SLC2A9: variants seen among roughly 807,000 people sequenced by gnomAD.
SLC2A9 encodes the protein solute carrier family 2, facilitated glucose transporter member 9.
In SLC2A9, 39 loss-of-function variants were observed where a neutral mutation model predicts 50.6. The observed-to-expected ratio is 0.77, with a 90% CI of 0.60 to 1.01. The LOEUF (loss-of-function observed/expected upper bound fraction) is 1.01. Among genes scored for constraint, SLC2A9 ranks in the 50% least tolerant of loss-of-function variants. SLC2A9 has a pLI of 0.00. For missense variants in SLC2A9, 686 were observed against 677.6 expected (o/e 1.01, Z -0.14); for synonymous variants, 324 against 276.9 (o/e 1.17, Z -1.69).
chr4:9,890,709 A>C lies in SLC2A9; in HGVS notation c.1116T>G (p.Gly372=), dbSNP rs2109784178. ...TCCGTCCCAGGTGCTCAATGACCAA[A>C]CCCTAGTCCAGGGTAAAAGAGAGAG... ...GIETLAAVFS[G]LVIEHLGRRP... is the part of the protein sequence containing the mutation. Residue 372 remains glycine (G), a splice_region_variant and synonymous_variant, in exon 9 of 12, where the codon GGT becomes GGG. Transcript: ENST00000264784. 6.2e-7 allele frequency: 1 copy of C among 1,613,560 alleles called. No individual in the cohort carries two copies. The highest frequency in any genetic ancestry group is 1.3e-5 in the African/African-American group (1 of 74,994).
intron 2 of SLC2A9, among the ~76,000 whole-genome samples, chr4:9,997,717 G>A (rs1249621297): frequency 1.4e-5 from 2 of 142,500 alleles, no homozygotes; most frequent in African/African-American, 5.5e-5. Flanking sequence ...AAGTGGGGGG[G>A]CACATACCTA....
intron 11 of SLC2A9, among the ~76,000 whole-genome samples, chr4:9,827,821 C>G (rs543848669): frequency 6.6e-6 from 1 of 152,294 alleles, no homozygotes; most frequent in Non-Finnish European, 1.5e-5. Context: ...AGAGTATGGG[C>G]TCTGAAGCCA....
intron 7 of SLC2A9, among the ~76,000 whole-genome samples, chr4:9,919,316 A>G (rs1743475351): frequency 6.6e-6 from 1 of 152,222 alleles, no homozygotes; most frequent in Non-Finnish European, 1.5e-5. Flanking sequence ...CCAAGGAGAA[A>G]GGTAAAAGCA....
chr4:9,886,698 A>G (rs1396866014), intron 10 of SLC2A9, among the ~76,000 whole-genome samples: 2 of 152,134 alleles, frequency 1.3e-5, no homozygotes, highest in Non-Finnish European at 2.9e-5. Flanking sequence ...GTTTGCATCC[A>G]CCAAGAAACA....
At chr4:9,788,432 C>T (rs150340467) in intron 3 of SLC2A9, among the ~76,000 whole-genome samples, 83 of 150,818 alleles carry the variant, frequency 5.5e-4, no homozygotes, top group African/African-American at 1.9e-3. Context: ...CTCAAACAGA[C>T]CTCCTGCCTC....
intron 10 of SLC2A9, chr4:9,879,519 T>C (rs996487981): frequency 4.1e-6 from 4 of 985,124 alleles, no homozygotes; most frequent in Admixed American, 1.2e-4. Context: ...ATAGGTTCTG[T>C]CAAATGCTGA....
At position 9,853,693 on chromosome 4, in the gene SLC2A9, T is replaced by C. The variant is rs139240136; in HGVS notation, c.1292-18685A>G. Among the ~76,000 whole-genome samples the C allele has an allele frequency of 1.2e-3, 185 of 152,258 alleles. 1 individual carries two copies. The highest frequency in any genetic ancestry group is 4.2e-3 in the African/African-American group (175 of 41,560). On this transcript the variant is annotated intron_variant, in intron 10 of 11. Coordinates refer to ENST00000264784, the MANE Select transcript of SLC2A9 (RefSeq NM_020041.3). ...AATTCTCTACCCAAAAACAACAGAA[T>C]AGACATTCTTCTCATTTGCACATAC...
intron 10 of SLC2A9, among the ~76,000 whole-genome samples, chr4:9,854,212 A>G (rs1325395818): frequency 6.6e-6 from 1 of 152,198 alleles, no homozygotes; most frequent in African/African-American, 2.4e-5. Flanking sequence ...TGATTTTTTT[A>G]AAGAATAAAT....
chr4:9,996,857 C>G lies in SLC2A9; in HGVS notation c.334G>C (p.Val112Leu). 1.9e-6 allele frequency: 3 copies of G among 1,614,242 alleles called. No homozygotes were observed. The highest frequency in any genetic ancestry group is 1.7e-6 in the Non-Finnish European group (2 of 1,180,028). Residue 112 changes from valine to leucine, a missense_variant, in exon 3 of 12, where the codon GTG becomes CTG. Coordinates refer to ENST00000264784, the MANE Select transcript of SLC2A9 (RefSeq NM_020041.3). Reference sequence around the variant, plus strand: ...CCGATGGCGAATATGGACACAGTCACAGACCAGAGCAAAGTCAGAGTGTCT... The same window carrying G: ...CCGATGGCGAATATGGACACAGTCAGAGACCAGAGCAAAGTCAGAGTGTCT... ...DPDTLTLLWS[V>L]TVSIFAIGGL...
chr4:10,029,847 G>A (rs948735611), intron 1 of SLC2A9, among the ~76,000 whole-genome samples: 2 of 151,922 alleles, frequency 1.3e-5, no homozygotes, highest in African/African-American at 4.8e-5. Context: ...TGTTGGCCAG[G>A]ATGGTCTGGA....
intron 10 of SLC2A9, chr4:9,879,044 GA>G: frequency 1.0e-6 from 1 of 985,236 alleles, no homozygotes; most frequent in Non-Finnish European, 1.2e-6. Flanking sequence ...AGCATTTATT[GA>G]GTGCTGACCC....
At chr4:9,959,247 C>T (rs1373812879) in intron 5 of SLC2A9, among the ~76,000 whole-genome samples, 2 of 151,480 alleles carry the variant, frequency 1.3e-5, no homozygotes, top group Admixed American at 1.3e-4. Context: ...CAAAAATTAG[C>T]CAGGCGTGGT....
chr4:9,911,971 T>C (rs1741898185), intron 7 of SLC2A9, among the ~76,000 whole-genome samples: 1 of 152,160 alleles, frequency 6.6e-6, no homozygotes, highest in Non-Finnish European at 1.5e-5. Context: ...TAAAAAATAA[T>C]GAGTTCATGT....
At chr4:9,905,482 G>T (rs189347733) in intron 8 of SLC2A9, among the ~76,000 whole-genome samples, 3 of 152,334 alleles carry the variant, frequency 2.0e-5, no homozygotes, top group African/African-American at 7.2e-5. Flanking sequence ...GGCAGTGGCA[G>T]GAGTGCTCTC....
chr4:10,027,228 G>A (rs1006996193), intron 1 of SLC2A9, among the ~76,000 whole-genome samples: 8 of 152,182 alleles, frequency 5.3e-5, no homozygotes, highest in African/African-American at 1.7e-4. Flanking sequence ...CCTTGGGAGT[G>A]ATGGAAATGT....
chr4:9,993,009 T>C (rs1432091298), intron 3 of SLC2A9, among the ~76,000 whole-genome samples: 1 of 152,244 alleles, frequency 6.6e-6, no homozygotes, highest in Non-Finnish European at 1.5e-5. Context: ...ACTTACATAA[T>C]GAATTACTCA....
chr4:9,846,228 C>T (rs150547659), intron 10 of SLC2A9, among the ~76,000 whole-genome samples: 19 of 152,290 alleles, frequency 1.2e-4, no homozygotes, highest in African/African-American at 4.6e-4. Flanking sequence ...TGCACAGGCT[C>T]CCAAACAGAT....
At chr4:9,773,801 C>G (rs1280581288) in intron 1 of SLC2A9, among the ~76,000 whole-genome samples, 1 of 152,100 alleles carries the variant, frequency 6.6e-6, no homozygotes, top group African/African-American at 2.4e-5. Flanking sequence ...TGGGAAAGAG[C>G]CTGGGTAAGA....
chr4:9,833,116 G>C (rs1726444506), intron 11 of SLC2A9, among the ~76,000 whole-genome samples: 1 of 152,184 alleles, frequency 6.6e-6, no homozygotes, highest in African/African-American at 2.4e-5. Flanking sequence ...TGCTGGCTTT[G>C]AGCCAAACTG....
Sources: allele counts gnomAD v4.1 joint callset (sites outside exome capture counted in the v4.1 genomes callset), GRCh38; gene constraint gnomAD v4.1.1; transcripts MANE v1.5; gene names NCBI Gene and HGNC (gene_info 2026-07-23, HGNC 2026-07-21).